The following NPEPPS variants were observed in gnomAD, a reference collection of about 807,000 sequenced individuals.
The protein encoded by NPEPPS is puromycin-sensitive aminopeptidase.
NPEPPS carries 14 observed loss-of-function variants against 115.5 expected under a neutral mutation model. That is an observed-to-expected ratio of 0.12 (90% CI 0.08 to 0.19). NPEPPS has a LOEUF of 0.19. Among genes scored for constraint, NPEPPS ranks in the 10% least tolerant of loss-of-function variants. NPEPPS has a pLI of 1.00. For missense variants in NPEPPS, 523 were observed against 1,110.8 expected, an observed-to-expected ratio of 0.47 and a Z score of 7.52; for synonymous variants, 285 against 390.6, an observed-to-expected ratio of 0.73 and a Z score of 3.19.
At chr17:47,576,441 G>C (rs534553217) in intron 3 of NPEPPS, among the ~76,000 whole-genome samples, 1 of 152,148 alleles carries the variant, frequency 6.6e-6, no homozygotes, top group African/African-American at 2.4e-5. Flanking sequence ...GCAGTGAGCC[G>C]AGATTGCACC....
intron 13 of NPEPPS, among the ~76,000 whole-genome samples, chr17:47,598,316 T>TA (rs201585783): frequency 0.044 from 6,724 of 151,384 alleles, 221 homozygotes; most frequent in Middle Eastern, 0.16. Context: ...CTACTAAAAG[T>TA]AAAAAAAACT....
intron 2 of NPEPPS, among the ~76,000 whole-genome samples, chr17:47,546,908 A>G (rs1204973471): frequency 6.6e-6 from 1 of 152,240 alleles, no homozygotes; most frequent in African/African-American, 2.4e-5. Flanking sequence ...TTTCATAAGT[A>G]TAAAATGAAT....
At chr17:47,559,739 A>T in intron 2 of NPEPPS, 2 of 443,508 alleles carry the variant, frequency 4.5e-6, no homozygotes, top group South Asian at 3.2e-5. Flanking sequence ...TCATTTACTC[A>T]AGCCTCTTGT....
At chr17:47,534,932 C>T (rs1908086390) in intron 1 of NPEPPS, among the ~76,000 whole-genome samples, 1 of 151,842 alleles carries the variant, frequency 6.6e-6, no homozygotes, top group Non-Finnish European at 1.5e-5. Context: ...GAAATTAGTC[C>T]ATGTTCAGTG....
At chr17:47,550,319 G>C (rs1909549062) in intron 2 of NPEPPS, among the ~76,000 whole-genome samples, 1 of 144,102 alleles carries the variant, frequency 6.9e-6, no homozygotes, top group Non-Finnish European at 1.5e-5. Context: ...AGACCTATGG[G>C]CATGTGTGTG....
chr17:47,546,487 A>G (rs1172527308), intron 2 of NPEPPS, among the ~76,000 whole-genome samples: 1 of 152,198 alleles, frequency 6.6e-6, no homozygotes, highest in Non-Finnish European at 1.5e-5. Flanking sequence ...ATAACCTAAC[A>G]GTATTGTGAA....
intron 1 of NPEPPS, among the ~76,000 whole-genome samples, chr17:47,541,592 G>T (rs549754054): frequency 4.5e-4 from 68 of 152,198 alleles, no homozygotes; most frequent in African/African-American, 1.5e-3. Flanking sequence ...AGCCAGGCTG[G>T]TCTCGAACCC....
At chr17:47,541,977 A>G (rs1169905754) in intron 1 of NPEPPS, among the ~76,000 whole-genome samples, 1 of 152,284 alleles carries the variant, frequency 6.6e-6, no homozygotes, top group Admixed American at 6.5e-5. Context: ...ACTGTCTCTC[A>G]TTTAGGCAGG....
intron 15 of NPEPPS, among the ~76,000 whole-genome samples, chr17:47,602,393 C>T (rs888184726): frequency 6.6e-6 from 1 of 151,562 alleles, no homozygotes; most frequent in Non-Finnish European, 1.5e-5. Context: ...AGATCACTTT[C>T]GGAGGCCGAG....
chr17:47,610,845 C>CT (rs59893483), intron 17 of NPEPPS, among the ~76,000 whole-genome samples: 6,367 of 99,698 alleles, frequency 0.064, 1,433 homozygotes, highest in Non-Finnish European at 0.085. Context: ...TATGATGACT[C>CT]TTTTTTTTTT....
chr17:47,576,373 T>G (rs1212446251), intron 3 of NPEPPS, among the ~76,000 whole-genome samples: 1 of 152,212 alleles, frequency 6.6e-6, no homozygotes, highest in Admixed American at 6.5e-5. Context: ...ACGCCTGTAG[T>G]TCCAGCTAAT....
chr17:47,607,778 A>G (rs1037104819), intron 17 of NPEPPS, among the ~76,000 whole-genome samples: 4 of 152,192 alleles, frequency 2.6e-5, no homozygotes, highest in Non-Finnish European at 5.9e-5. Flanking sequence ...AGTGTCATCA[A>G]ATTTTGGCCT....
chr17:47,575,287 A>G (rs1469797054), intron 3 of NPEPPS, among the ~76,000 whole-genome samples: 1 of 152,160 alleles, frequency 6.6e-6, no homozygotes, highest in African/African-American at 2.4e-5. Context: ...ACCATGCCAT[A>G]CATAATGTTC....
chr17:47,613,077 C>CT (rs937210392), intron 18 of NPEPPS, among the ~76,000 whole-genome samples: 1 of 151,944 alleles, frequency 6.6e-6, no homozygotes, highest in Non-Finnish European at 1.5e-5. Flanking sequence ...TTATAGTCCT[C>CT]TTCTTATTTG....
chr17:47,532,458 G>A (rs1033897895), intron 1 of NPEPPS, among the ~76,000 whole-genome samples: 1 of 151,930 alleles, frequency 6.6e-6, no homozygotes, highest in African/African-American at 2.4e-5. Context: ...TTCGGGACCA[G>A]CCTGACCAAC....
chr17:47,618,245 A>C (rs80055097), intron 19 of NPEPPS, 105 bp from the exon 20 acceptor site: 11,327 of 690,698 alleles, frequency 0.016, 300 homozygotes, highest in East Asian at 0.098. Flanking sequence ...CCTAGTGAGA[A>C]TATAGAACCT....
intron 2 of NPEPPS, among the ~76,000 whole-genome samples, chr17:47,563,672 G>A (rs1042034673): frequency 2.6e-4 from 40 of 151,858 alleles, no homozygotes; most frequent in Non-Finnish European, 5.1e-4. Context: ...CCGAGTTCAC[G>A]CCATTTTCCT....
At chr17:47,613,519 G>C in intron 18 of NPEPPS, 150 bp from the exon 19 acceptor site, 1 of 576,954 alleles carries the variant, frequency 1.7e-6, no homozygotes. Context: ...CGCCTGCCTC[G>C]GCCTCCCAAA....
upstream of NPEPPS, among the ~76,000 whole-genome samples, chr17:47,526,254 G>A (rs113457742): frequency 0.026 from 3,891 of 152,172 alleles, 149 homozygotes; most frequent in African/African-American, 0.086. Context: ...TAATTACAGA[G>A]TAACAGTCAG....
Sources: allele counts gnomAD v4.1 joint callset (sites outside exome capture counted in the v4.1 genomes callset), GRCh38; gene constraint gnomAD v4.1.1; transcripts MANE v1.5; gene names NCBI Gene and HGNC (gene_info 2026-07-23, HGNC 2026-07-21).